Variants in PRKN observed in about 807,000 individuals in gnomAD.
PRKN encodes E3 ubiquitin-protein ligase parkin.
A neutral mutation model predicts 59.5 loss-of-function variants in PRKN; 56 were observed. That is an observed-to-expected ratio of 0.94 (90% CI 0.76 to 1.18). The LOEUF (loss-of-function observed/expected upper bound fraction) is 1.18. Ranked by LOEUF, PRKN falls within the 50% of genes most tolerant of loss-of-function variation. PRKN has a pLI of 0.00. For missense variants in PRKN, 657 were observed against 596.4 expected, an observed-to-expected ratio of 1.10 and a Z score of -1.06; for synonymous variants, 250 against 222.1, an observed-to-expected ratio of 1.13 and a Z score of -1.12.
At chr6:161,965,396 G>A (rs989970757) in intron 6 of PRKN, among the ~76,000 whole-genome samples, 5 of 152,006 alleles carry the variant, frequency 3.3e-5, no homozygotes, top group African/African-American at 1.2e-4. Flanking sequence ...GTGTCTCGAA[G>A]GTTAATTTCC....
intron 7 of PRKN, among the ~76,000 whole-genome samples, chr6:161,680,775 A>ATATT (rs1216235673): frequency 8.5e-4 from 26 of 30,594 alleles, no homozygotes; most frequent in East Asian, 1.3e-3. Context: ...ATATATATAT[A>ATATT]TTTTTTTTTT....
At chr6:162,253,486 C>T (rs1374046519) in intron 3 of PRKN, among the ~76,000 whole-genome samples, 2 of 152,082 alleles carry the variant, frequency 1.3e-5, no homozygotes, top group African/African-American at 4.8e-5. Flanking sequence ...CACAAATGGA[C>T]AAATCCAAAA....
intron 7 of PRKN, among the ~76,000 whole-genome samples, chr6:161,600,161 T>G (rs893338249): frequency 1.3e-5 from 2 of 152,224 alleles, no homozygotes; most frequent in African/African-American, 4.8e-5. Context: ...TTTTTATTCC[T>G]TACTTGGTAT....
chr6:161,572,402 C>T (rs1403125674), intron 7 of PRKN, among the ~76,000 whole-genome samples: 1 of 152,036 alleles, frequency 6.6e-6, no homozygotes, highest in East Asian at 1.9e-4. Context: ...TGGCTCACAC[C>T]TGTAATCCCA....
rs180795651 is a variant in PRKN at position 161,760,667 on chromosome 6, G to T, written c.871+25105C>A. On this transcript the variant is annotated intron_variant, in intron 7 of 11. Coordinates refer to ENST00000366898, the MANE Select transcript of PRKN (RefSeq NM_004562.3). ...ACCCACCCTTTAAATTGTCTTGCAAGCCTGAATTTTTGTGGTCGTGGGACA... is the reference window on the plus strand; with the variant it reads ...ACCCACCCTTTAAATTGTCTTGCAATCCTGAATTTTTGTGGTCGTGGGACA... 7.9e-5 allele frequency among the ~76,000 whole-genome samples: 12 copies of T among 152,210 alleles called. No individual in the cohort carries two copies. In the East Asian group the frequency reaches 1.9e-3, roughly 25 times the overall value.
intron 7 of PRKN, among the ~76,000 whole-genome samples, chr6:161,725,064 T>A (rs1372652902): frequency 6.6e-6 from 1 of 152,208 alleles, no homozygotes; most frequent in Non-Finnish European, 1.5e-5. Flanking sequence ...TCAAAGTTCC[T>A]TGAGGCCTCC....
chr6:162,414,159 G>A (rs1420994657), intron 2 of PRKN, among the ~76,000 whole-genome samples: 1 of 152,096 alleles, frequency 6.6e-6, no homozygotes, highest in East Asian at 1.9e-4. Flanking sequence ...CTCCAGCCTG[G>A]GCCACAGGGT....
intron 6 of PRKN, among the ~76,000 whole-genome samples, chr6:161,930,409 A>C (rs1331218769): frequency 1.3e-5 from 2 of 152,234 alleles, no homozygotes; most frequent in Non-Finnish European, 2.9e-5. Context: ...TTGTTCTTCA[A>C]ACATTGTCTG....
At chr6:162,300,846 C>G (rs1353945787) in intron 2 of PRKN, among the ~76,000 whole-genome samples, 2 of 152,076 alleles carry the variant, frequency 1.3e-5, no homozygotes, top group Non-Finnish European at 2.9e-5. Context: ...CATTAACAAC[C>G]TTGTCTTCAA....
chr6:162,671,417 T>C (rs896228797), intron 1 of PRKN, among the ~76,000 whole-genome samples: 4 of 151,126 alleles, frequency 2.6e-5, no homozygotes, highest in African/African-American at 4.9e-5. Context: ...AAGAATGGCT[T>C]GAACCCGGAA....
At chr6:162,212,140 C>T (rs1342159340) in intron 3 of PRKN, among the ~76,000 whole-genome samples, 1 of 152,088 alleles carries the variant, frequency 6.6e-6, no homozygotes. Flanking sequence ...AGGAATCCAT[C>T]TAAGACCTCA....
chr6:162,045,401 G>A (rs1349805181), intron 5 of PRKN, among the ~76,000 whole-genome samples: 1 of 152,178 alleles, frequency 6.6e-6, no homozygotes, highest in Non-Finnish European at 1.5e-5. Context: ...AATGATGACT[G>A]CCTACTTGAG....
Position 162,112,984 on chromosome 6 carries a change from C to T in PRKN, c.535-58810G>A, listed in dbSNP as rs943660982. Among the ~76,000 whole-genome samples the T allele has an allele frequency of 5.9e-5, 9 of 152,116 alleles. No individual in the cohort carries two copies. In the East Asian group the frequency reaches 1.6e-3, roughly 26 times the overall value. On this transcript the variant is annotated intron_variant, in intron 4 of 11. Transcript: ENST00000366898. ...TCTGCCTCTCAGAGAACTGATTCAC[C>T]GATTTCATCGTTTAAAACCAATGCA...
intron 1 of PRKN, among the ~76,000 whole-genome samples, chr6:162,473,904 T>G (rs1171821065): frequency 6.6e-6 from 1 of 152,198 alleles, no homozygotes; most frequent in Non-Finnish European, 1.5e-5. Context: ...GTCACCATAA[T>G]TATAGATGTA....
At chr6:161,799,464 T>C (rs913139391) in intron 6 of PRKN, among the ~76,000 whole-genome samples, 1 of 152,174 alleles carries the variant, frequency 6.6e-6, no homozygotes, top group East Asian at 1.9e-4. Context: ...TCTGCCAGAG[T>C]TAGGCTCATC....
intron 1 of PRKN, among the ~76,000 whole-genome samples, chr6:162,501,704 G>A (rs970424319): frequency 1.3e-5 from 2 of 152,032 alleles, no homozygotes; most frequent in African/African-American, 4.8e-5. Flanking sequence ...TTACAAGGAA[G>A]CTCAAGATTG....
rs796148495 is a variant in PRKN at position 161,646,495 on chromosome 6, T to C, written c.872-77079A>G. On this transcript the variant is annotated intron_variant, in intron 7 of 11. Transcript: ENST00000366898. ...GTGGTGACTGCGTGTGCATGCGTGGTGGAGGAGGTGGCGTATGAGTGACAG... is the reference window on the plus strand; with the variant it reads ...GTGGTGACTGCGTGTGCATGCGTGGCGGAGGAGGTGGCGTATGAGTGACAG... Among the ~76,000 whole-genome samples, 45 of 70,968 alleles carry C rather than the reference T, an allele frequency of 6.3e-4. 8 individuals carry two copies. Among genetic ancestry groups the C allele is most frequent in the Admixed American group, 2.3e-3 (16 of 6,822 alleles). 46.6% of individuals were successfully genotyped at this position (70,968 alleles called of 152,430 possible). A position where few individuals can be genotyped will look rare whatever the true frequency, so the allele number is the denominator to read the frequency against.
Position 161,582,413 on chromosome 6 carries a change from C to CTAT in PRKN, c.872-13000_872-12998dup, listed in dbSNP as rs3032927. 0.55 allele frequency among the ~76,000 whole-genome samples: 80,281 copies of CTAT among 146,054 alleles called. 22,330 individuals are homozygous for CTAT. The highest frequency in any genetic ancestry group is 0.6 in the East Asian group (2,962 of 4,906). Reference sequence around the variant, plus strand: ...AACTAGGAAAGACTGCATCTGCAGACTATTATTATTATTATTATTATTATT... The same window carrying CTAT: ...AACTAGGAAAGACTGCATCTGCAGACTATTATTATTATTATTATTATTATTATT... On this transcript the variant is annotated intron_variant, in intron 7 of 11. Coordinates refer to ENST00000366898, the MANE Select transcript of PRKN (RefSeq NM_004562.3). This position sits in a 1 kb window ranked among gnomAD's most constrained non-coding sequence, Gnocchi z 4.4.
At chr6:161,945,132 C>T (rs1022883192) in intron 6 of PRKN, among the ~76,000 whole-genome samples, 12 of 151,792 alleles carry the variant, frequency 7.9e-5, no homozygotes, top group African/African-American at 2.7e-4. Flanking sequence ...CTGGATGAGA[C>T]GCTGAAATGG....
Sources: gnomAD v4.1 joint callset for allele counts (sites outside exome capture counted in the v4.1 genomes callset) on GRCh38, gnomAD v4.1.1 for gene constraint, Gnocchi (gnomAD v3.1) non-coding constraint, MANE v1.5 for transcripts, NCBI Gene and HGNC (gene_info 2026-07-23, HGNC 2026-07-21) for gene names.